FEM1C: variants seen among roughly 807,000 people sequenced by gnomAD.
The protein encoded by FEM1C is protein fem-1 homolog C.
A neutral mutation model predicts 37.6 loss-of-function variants in FEM1C; 15 were observed. That is an observed-to-expected ratio of 0.40 (90% CI 0.27 to 0.61). FEM1C has a LOEUF of 0.61. Among genes scored for constraint, FEM1C ranks in the 20% least tolerant of loss-of-function variants. The pLI, the probability that FEM1C is intolerant of heterozygous loss-of-function variation, is 0.42. For missense variants in FEM1C, 532 were observed against 749.7 expected, an observed-to-expected ratio of 0.71 and a Z score of 3.39; for synonymous variants, 287 against 272.8, an observed-to-expected ratio of 1.05 and a Z score of -0.51.
At chr5:115,526,053 G>A (rs1013798880) in intron 2 of FEM1C, among the ~76,000 whole-genome samples, 8 of 151,402 alleles carry the variant, frequency 5.3e-5, no homozygotes, top group Non-Finnish European at 1.0e-4. Flanking sequence ...TAGAGACCAG[G>A]TCTTGCTATG....
In FEM1C at chr5:115,543,528, T is replaced by G; in HGVS notation, c.-35A>C. On this transcript the variant is annotated 5_prime_UTR_variant, in exon 2 of 3. Transcript: ENST00000274457. The stretch of plus-strand genomic sequence containing the variant: ...GTTGAGAGGCTGTGCTTTATTTATC[T>G]TTCAAAGCAGAGCTCCAGTTTAACT... 6.5e-7 allele frequency: 1 copy of G among 1,549,724 alleles called. No individual in the cohort carries two copies. The highest frequency in any genetic ancestry group is 8.6e-7 in the Non-Finnish European group (1 of 1,156,898).
intron 2 of FEM1C, 42 bp from the exon 3 acceptor site, chr5:115,525,659 G>A (rs539618373): frequency 1.4e-6 from 2 of 1,469,252 alleles, no homozygotes; most frequent in African/African-American, 2.8e-5. Context: ...TACATTGAGG[G>A]ACCAAAATAT....
At chr5:115,543,780 G>C in intron 1 of FEM1C, 97 bp from the exon 2 acceptor site, 2 of 1,187,262 alleles carry the variant, frequency 1.7e-6, no homozygotes, top group Non-Finnish European at 2.1e-6. Context: ...AGGAATAAAA[G>C]CTATACTTCA....
chr5:115,543,552 C>G lies in FEM1C; in HGVS notation c.-59G>C. On this transcript the variant is annotated 5_prime_UTR_variant, in exon 2 of 3. Transcript: ENST00000274457. ...CTTTCAAAGCAGAGCTCCAGTTTAA[C>G]TCTATCGACACAGGCAAGAGTCACA... The G allele has an allele frequency of 6.5e-7, 1 of 1,529,244 alleles. No homozygotes were observed. Among genetic ancestry groups the G allele is most frequent in the Non-Finnish European group, 8.7e-7 (1 of 1,149,380 alleles). 94.7% of individuals were successfully genotyped at this position (1,529,244 alleles called of 1,614,324 possible).
chr5:115,542,873 C>T (rs1056646624), intron 2 of FEM1C, 77 bp downstream of exon 2: 2 of 1,526,134 alleles, frequency 1.3e-6, no homozygotes, highest in Non-Finnish European at 1.8e-6. Flanking sequence ...TTACTCAACA[C>T]CAGTGCTTAT....
chr5:115,531,190 T>C (rs1754007713), intron 2 of FEM1C, among the ~76,000 whole-genome samples: 1 of 152,122 alleles, frequency 6.6e-6, no homozygotes, highest in African/African-American at 2.4e-5. Flanking sequence ...ATGCCAGTCA[T>C]ATTAAACCTC....
intron 2 of FEM1C, among the ~76,000 whole-genome samples, chr5:115,538,568 T>G (rs1754176427): frequency 6.6e-6 from 1 of 152,020 alleles, no homozygotes; most frequent in South Asian, 2.1e-4. Context: ...TGCGGTTAGA[T>G]GTCACAGTGT....
At position 115,521,557 on chromosome 5, in the gene FEM1C, CT is replaced by C. The variant is rs1210645705; in HGVS notation, c.*2750del. 2.1e-4 allele frequency: 32 copies of C among 151,868 alleles called. 1 individual carries two copies. The highest frequency in any genetic ancestry group is 2.0e-3 in the Admixed American group (30 of 15,224). The allele number at this position is 151,868 out of a possible 1,614,324, so 9.4% of individuals were successfully genotyped here. The stretch of plus-strand genomic sequence containing the variant: ...TGGCATCTAAGTAAAATGACCATTT[CT>C]TTTATAGAAATGATCAAAACAGTGG... On this transcript the variant is annotated 3_prime_UTR_variant, in exon 3 of 3. Coordinates refer to ENST00000274457, the MANE Select transcript of FEM1C (RefSeq NM_020177.3).
In FEM1C at chr5:115,524,483, T is replaced by C. The variant is rs765723730; in HGVS notation, c.1679A>G (p.His560Arg). Reference protein sequence around the residue: ...SGAHFDATNLHKQTASDLLDE... With the variant: ...SGAHFDATNLRKQTASDLLDE... ...CAGCAAGTCACTAGCAGTTTGTTTG[T>C]GCAAGTTTGTGGCATCAAAATGTGC... Residue 560 changes from histidine to arginine, a missense_variant, in exon 3 of 3, where the codon CAC (histidine) becomes CGC (arginine). Around this residue, in one of 3 missense-constraint regions of FEM1C, gnomAD observed 237 missense variants for 260.5 expected, o/e 0.91. Coordinates refer to ENST00000274457, the MANE Select transcript of FEM1C (RefSeq NM_020177.3). The C allele has an allele frequency of 1.2e-6, 2 of 1,612,772 alleles. No homozygotes were observed. Among genetic ancestry groups the C allele is most frequent in the Non-Finnish European group, 1.7e-6 (2 of 1,179,400 alleles).
Position 115,525,321 on chromosome 5 carries a change from T to G in FEM1C, c.841A>C (p.Thr281Pro). The stretch of plus-strand genomic sequence containing the variant: ...GGCACTGGTTTACTAATAATATTAG[T>G]CCTATCACTGTACCTCATGTTCATT... The part of the protein sequence containing the change: ...KAMNMRYSDR[T>P]NIISKPVPQT... Residue 281 changes from threonine (T) to proline (P), a missense_variant, in exon 3 of 3, where the codon ACT becomes CCT. This residue lies in a region of FEM1C where 221 missense variants were observed against 404.1 expected (regional missense o/e 0.55). Transcript: ENST00000274457. 1 of 1,613,752 alleles carries G rather than the reference T, an allele frequency of 6.2e-7. No individual in the cohort carries two copies. The highest frequency in any genetic ancestry group is 8.5e-7 in the Non-Finnish European group (1 of 1,179,838).
intron 2 of FEM1C, among the ~76,000 whole-genome samples, chr5:115,531,885 T>C (rs946168013): frequency 6.6e-6 from 1 of 152,140 alleles, no homozygotes; most frequent in Non-Finnish European, 1.5e-5. Flanking sequence ...AGACATGGTC[T>C]GCATCTCCCA....
At chr5:115,527,060 C>G (rs534025009) in intron 2 of FEM1C, among the ~76,000 whole-genome samples, 2 of 150,382 alleles carry the variant, frequency 1.3e-5, no homozygotes, top group Admixed American at 1.3e-4. Context: ...TATGTGACCC[C>G]TCACAAGAGG....
intron 2 of FEM1C, among the ~76,000 whole-genome samples, chr5:115,538,575 G>C (rs1361359491): frequency 2.0e-5 from 3 of 151,984 alleles, no homozygotes; most frequent in South Asian, 2.1e-4. Flanking sequence ...AGATGTCACA[G>C]TGTTGTAGTA....
chr5:115,543,662 A>G lies in FEM1C; in HGVS notation c.-169T>C. 7.3e-7 allele frequency: 1 copy of G among 1,367,408 alleles called. No individual in the cohort carries two copies. Among genetic ancestry groups the G allele is most frequent in the Non-Finnish European group, 9.4e-7 (1 of 1,064,796 alleles). 84.7% of individuals were successfully genotyped at this position (1,367,408 alleles called of 1,614,324 possible). A position where few individuals can be genotyped will look rare whatever the true frequency, so the allele number is the denominator to read the frequency against. On this transcript the variant is annotated 5_prime_UTR_variant, in exon 2 of 3. An upstream start codon of the reference 5' UTR is lost. Transcript: ENST00000274457. Reference sequence around the variant, plus strand: ...ATGTTCCGTCCTACTGCTTTCCAACATCTGACAACCAGGGCACCAAACTAG... The same window carrying G: ...ATGTTCCGTCCTACTGCTTTCCAACGTCTGACAACCAGGGCACCAAACTAG...
chr5:115,525,755 AG>A, intron 2 of FEM1C, 138 bp from the exon 3 acceptor site: 1 of 644,552 alleles, frequency 1.6e-6, no homozygotes. Flanking sequence ...TTTACAAACG[AG>A]AAAAAAAAAT....
Position 115,541,969 on chromosome 5 carries a change from C to G in FEM1C, c.544+981G>C, listed in dbSNP as rs77922884. On this transcript the variant is annotated intron_variant, in intron 2 of 2. Transcript: ENST00000274457. Reference sequence around the variant, plus strand: ...ATAAGACTTTTTATTCAAATGTAAACCAACAATGTAAACCAATTTACACTG... The same window carrying G: ...ATAAGACTTTTTATTCAAATGTAAAGCAACAATGTAAACCAATTTACACTG... 7.7e-3 allele frequency among the ~76,000 whole-genome samples: 1,178 copies of G among 152,104 alleles called. 25 individuals carry two copies. Among genetic ancestry groups the G allele is most frequent in the African/African-American group, 0.027 (1,117 of 41,530 alleles).
Position 115,521,061 on chromosome 5 carries a change from T to TTA in FEM1C, c.*3245_*3246dup, listed in dbSNP as rs1753762371. 6.6e-6 allele frequency: 1 copy of TTA among 150,434 alleles called. No individual in the cohort carries two copies. The highest frequency in any genetic ancestry group is 1.9e-4 in the East Asian group (1 of 5,160). The allele number at this position is 150,434 out of a possible 1,614,324, so 9.3% of individuals were successfully genotyped here. On this transcript the variant is annotated 3_prime_UTR_variant, in exon 3 of 3. Transcript: ENST00000274457. ...GACAAAAGGGAGAGAAACTAGTTGT[T>TTA]TAGTGACACATAAGGGCAAAAAAAA...
chr5:115,538,609 T>C (rs1387488731), intron 2 of FEM1C, among the ~76,000 whole-genome samples: 1 of 151,662 alleles, frequency 6.6e-6, no homozygotes, highest in Non-Finnish European at 1.5e-5. Flanking sequence ...TAAGTTTCTC[T>C]GAAAACAAAC....
At chr5:115,542,022 C>T (rs888387905) in intron 2 of FEM1C, among the ~76,000 whole-genome samples, 1 of 152,054 alleles carries the variant, frequency 6.6e-6, no homozygotes, top group Non-Finnish European at 1.5e-5. Flanking sequence ...TGTCTATATG[C>T]TACTTTTAAA....
Sources: allele counts gnomAD v4.1 joint callset (sites outside exome capture counted in the v4.1 genomes callset), GRCh38; gene constraint gnomAD v4.1.1; regional missense constraint gnomAD v4.1.1; transcripts MANE v1.5; gene names NCBI Gene and HGNC (gene_info 2026-07-23, HGNC 2026-07-21).